Variants in CLDN10 observed in about 807,000 individuals in gnomAD.
CLDN10 encodes claudin-10.
CLDN10 carries 15 observed loss-of-function variants against 22.9 expected under a neutral mutation model. The ratio of observed to expected loss-of-function variants is 0.65; its 90% confidence interval spans 0.44 to 1.01. CLDN10 has a LOEUF of 1.01. CLDN10 is among the 50% of genes least tolerant of loss of function. The probability of loss-of-function intolerance (pLI) is 0.00; values close to 1 mark genes in which losing one functional copy is unlikely to be tolerated. For missense variants in CLDN10, 247 were observed against 287.8 expected (o/e 0.86, Z 1.03); for synonymous variants, 114 against 111.4 (o/e 1.02, Z -0.15).
intron 3 of CLDN10, among the ~76,000 whole-genome samples, chr13:95,571,221 A>G (rs979015365): frequency 2.0e-5 from 3 of 152,128 alleles, no homozygotes; most frequent in African/African-American, 7.2e-5. Context: ...AGAATTCTGA[A>G]CTACCCTAAT....
Position 95,577,951 on chromosome 13 carries a change from T to C in CLDN10, c.624T>C (p.His208=), listed in dbSNP as rs746417094. The part of the protein sequence containing the change: ...TSVMSSRTKY[H]GGEDFKTTNP... ...TCATGTCTTCTCGGACAAAGTATCA[T>C]GGTGGAGAAGATTTTAAAACAACAA... The change falls in exon 5 of 5, where the codon CAT becomes CAC. Residue 208 remains histidine, a synonymous_variant. Transcript: ENST00000299339. The C allele has an allele frequency of 6.2e-7, 1 of 1,613,988 alleles. No homozygotes were observed. Among genetic ancestry groups the C allele is most frequent in the South Asian group, 1.1e-5 (1 of 91,068 alleles).
chr13:95,522,739 G>C (rs926965785), intron 1 of CLDN10, among the ~76,000 whole-genome samples: 2 of 151,924 alleles, frequency 1.3e-5, no homozygotes, highest in Admixed American at 6.6e-5. Flanking sequence ...ATTTTATTAA[G>C]TATATACTAA....
At chr13:95,499,644 C>T (rs181996725) in intron 1 of CLDN10, among the ~76,000 whole-genome samples, 1 of 152,322 alleles carries the variant, frequency 6.6e-6, no homozygotes, top group East Asian at 1.9e-4. Context: ...CAGACCTGAC[C>T]AGCCCTGCTG....
intron 1 of CLDN10, among the ~76,000 whole-genome samples, chr13:95,456,182 A>G (rs1245135252): frequency 2.0e-5 from 3 of 152,198 alleles, no homozygotes; most frequent in East Asian, 3.8e-4. Flanking sequence ...TTTTAATTTC[A>G]TATCTTGTAG....
Position 95,441,680 on chromosome 13 carries a change from G to C in CLDN10, c.214+7633G>C, listed in dbSNP as rs574040610. 5.3e-5 allele frequency among the ~76,000 whole-genome samples: 8 copies of C among 152,276 alleles called. No individual in the cohort carries two copies. The South Asian group carries it at 1.5e-3, about 28-fold the overall frequency. On this transcript the variant is annotated intron_variant, in intron 1 of 4. Coordinates refer to the CLDN10 transcript ENST00000376873. The stretch of plus-strand genomic sequence containing the variant: ...ATGCAGAATCTCAGGCCCCACTACA[G>C]ACCTATTGAATCAGAATCTGCAATT...
At chr13:95,542,622 C>A (rs1235506345) in intron 1 of CLDN10, among the ~76,000 whole-genome samples, 3 of 150,076 alleles carry the variant, frequency 2.0e-5, no homozygotes, top group African/African-American at 7.4e-5. Flanking sequence ...GCCTGGCCAA[C>A]ATGATGAAAC....
chr13:95,573,217 A>C (rs576259148), intron 3 of CLDN10, among the ~76,000 whole-genome samples: 88 of 152,248 alleles, frequency 5.8e-4, no homozygotes, highest in Non-Finnish European at 6.2e-4. Context: ...AAAGCCACTC[A>C]GTGACTTTAT....
chr13:95,540,337 TAAA>T (rs2138622447), intron 1 of CLDN10, among the ~76,000 whole-genome samples: 1 of 113,704 alleles, frequency 8.8e-6, no homozygotes, highest in African/African-American at 3.6e-5. Context: ...AATAAATAAA[TAAA>T]TATTAGCCTG....
chr13:95,481,628 C>G (rs1472423154), intron 1 of CLDN10, among the ~76,000 whole-genome samples: 1 of 152,160 alleles, frequency 6.6e-6, no homozygotes, highest in Non-Finnish European at 1.5e-5. Context: ...TGGCTGTGTT[C>G]CAGGAAAACT....
intron 3 of CLDN10, among the ~76,000 whole-genome samples, chr13:95,563,187 A>T (rs2138664200): frequency 6.7e-6 from 1 of 149,498 alleles, no homozygotes; most frequent in Non-Finnish European, 1.5e-5. Context: ...CCTCTCACAG[A>T]ATTGCTGTGA....
At chr13:95,546,763 A>T (rs1470964069) in intron 1 of CLDN10, among the ~76,000 whole-genome samples, 1 of 152,148 alleles carries the variant, frequency 6.6e-6, no homozygotes, top group Non-Finnish European at 1.5e-5. Context: ...ACACCTAGTC[A>T]TTGAGAAAAC....
At chr13:95,515,360 G>A (rs891783308) in intron 1 of CLDN10, among the ~76,000 whole-genome samples, 16 of 152,098 alleles carry the variant, frequency 1.1e-4, no homozygotes, top group African/African-American at 2.4e-4. Context: ...CACCATGCCC[G>A]GCTAATTTTT....
intron 3 of CLDN10, among the ~76,000 whole-genome samples, chr13:95,563,514 C>T (rs2043745488): frequency 6.6e-6 from 1 of 152,100 alleles, no homozygotes; most frequent in Non-Finnish European, 1.5e-5. Flanking sequence ...GCATCAAGGT[C>T]TATAGAAAAT....
intron 3 of CLDN10, among the ~76,000 whole-genome samples, chr13:95,575,000 A>G (rs2043906211): frequency 6.7e-6 from 1 of 149,630 alleles, no homozygotes. Context: ...TATGATTTCT[A>G]TCATCTTCAT....
chr13:95,552,668 G>A, upstream of CLDN10: 1 of 1,426,886 alleles, frequency 7.0e-7, no homozygotes, highest in Non-Finnish European at 9.2e-7. Flanking sequence ...GGAGGCGGAG[G>A]CGGGAGGCGG....
chr13:95,474,844 G>T (rs2042669707), intron 1 of CLDN10, among the ~76,000 whole-genome samples: 1 of 152,132 alleles, frequency 6.6e-6, no homozygotes, highest in Non-Finnish European at 1.5e-5. Flanking sequence ...ATGGGGGTGG[G>T]GCAGGCGTGG....
chr13:95,477,853 T>C (rs113594510), intron 1 of CLDN10, among the ~76,000 whole-genome samples: 2,775 of 152,034 alleles, frequency 0.018, 44 homozygotes, highest in Middle Eastern at 0.031. Context: ...CGTGGACAGA[T>C]GGAGGAGGAG....
chr13:95,561,833 T>G (rs183241140), intron 3 of CLDN10, among the ~76,000 whole-genome samples: 1 of 151,728 alleles, frequency 6.6e-6, no homozygotes, highest in Admixed American at 6.6e-5. Flanking sequence ...TGGTGTGATC[T>G]TAGTTGACTG....
intron 1 of CLDN10, among the ~76,000 whole-genome samples, chr13:95,435,978 A>G (rs1316835775): frequency 6.6e-6 from 1 of 151,720 alleles, no homozygotes; most frequent in Non-Finnish European, 1.5e-5. Context: ...AAAAAAAAAG[A>G]AAATTGTCTT....
Sources: allele counts gnomAD v4.1 joint callset (sites outside exome capture counted in the v4.1 genomes callset), GRCh38; gene constraint gnomAD v4.1.1; transcripts MANE v1.5; gene names NCBI Gene and HGNC (gene_info 2026-07-23, HGNC 2026-07-21).